ATP9A: variants seen among roughly 807,000 people sequenced by gnomAD.
ATP9A encodes ATPase phospholipid transporting 9A.
ATP9A carries 52 observed loss-of-function variants against 144.1 expected under a neutral mutation model. The observed-to-expected ratio is 0.36, with a 90% CI of 0.29 to 0.45. The LOEUF (loss-of-function observed/expected upper bound fraction) is 0.45, where lower values mean the gene tolerates loss of function less well. Ranked by LOEUF, ATP9A falls within the 20% of genes least tolerant of loss-of-function variation. ATP9A has a pLI of 1.00. For synonymous variants in ATP9A, 582 were observed against 557.4 expected (o/e 1.04, Z -0.62); for missense variants, 947 against 1,392.7 (o/e 0.68, Z 5.09).
intron 15 of ATP9A, among the ~76,000 whole-genome samples, chr20:51,637,218 AAGG>A (rs1247261093): frequency 1.3e-5 from 2 of 151,490 alleles, no homozygotes; most frequent in African/African-American, 2.4e-5. Context: ...GTAAATGATC[AAGG>A]AGAAGAGTGG....
At chr20:51,681,701 C>T (rs2077500443) in intron 9 of ATP9A, among the ~76,000 whole-genome samples, 1 of 152,112 alleles carries the variant, frequency 6.6e-6, no homozygotes, top group Admixed American at 6.5e-5. Flanking sequence ...GGATTACAGG[C>T]GTGAGCCACC....
intron 9 of ATP9A, among the ~76,000 whole-genome samples, chr20:51,676,640 G>A (rs533632766): frequency 5.3e-5 from 8 of 152,152 alleles, no homozygotes; most frequent in African/African-American, 7.2e-5. Context: ...CACCACACCC[G>A]GCTAATTTTT....
At chr20:51,657,912 T>C (rs924871246) in intron 13 of ATP9A, among the ~76,000 whole-genome samples, 3 of 152,202 alleles carry the variant, frequency 2.0e-5, no homozygotes, top group Non-Finnish European at 4.4e-5. Context: ...AGGCTGACTT[T>C]AGACCCCAGC....
At chr20:51,620,876 G>A (rs758345241) in intron 19 of ATP9A, among the ~76,000 whole-genome samples, 10 of 152,072 alleles carry the variant, frequency 6.6e-5, no homozygotes, top group African/African-American at 9.7e-5. Flanking sequence ...GGCCAGGCGC[G>A]GTGGCTCACG....
chr20:51,753,454 A>AAGC (rs2077841541), intron 1 of ATP9A, among the ~76,000 whole-genome samples: 1 of 149,084 alleles, frequency 6.7e-6, no homozygotes, highest in East Asian at 2.0e-4. Context: ...CCGTCTCAAA[A>AAGC]AACAACAACA....
At chr20:51,722,489 T>G (rs1165871781) in intron 3 of ATP9A, among the ~76,000 whole-genome samples, 1 of 151,358 alleles carries the variant, frequency 6.6e-6, no homozygotes, top group Non-Finnish European at 1.5e-5. Context: ...CTCAAACAAA[T>G]CAGTAAGAAA....
intron 13 of ATP9A, among the ~76,000 whole-genome samples, chr20:51,658,516 CTTTTT>C (rs35371153): frequency 6.3e-4 from 67 of 106,892 alleles, no homozygotes; most frequent in Non-Finnish European, 1.0e-3. Flanking sequence ...CCTATGCTTC[CTTTTT>C]TTTTTTTTTT....
chr20:51,641,872 G>A (rs1423227035), intron 14 of ATP9A, among the ~76,000 whole-genome samples: 3 of 148,706 alleles, frequency 2.0e-5, no homozygotes, highest in Admixed American at 6.8e-5. Context: ...TCCAGTGGAG[G>A]TGATGCCTCC....
At chr20:51,682,777 G>A (rs2077505864) in intron 9 of ATP9A, among the ~76,000 whole-genome samples, 1 of 147,484 alleles carries the variant, frequency 6.8e-6, no homozygotes. Flanking sequence ...ATTTTTAGTA[G>A]AGGCGGGGTT....
chr20:51,719,876 C>A (rs1279793528), intron 3 of ATP9A, among the ~76,000 whole-genome samples: 3 of 151,982 alleles, frequency 2.0e-5, no homozygotes, highest in African/African-American at 7.3e-5. Context: ...GGTGAAACCC[C>A]CATCTCTACT....
At chr20:51,740,462 C>T (rs1466716605) in intron 1 of ATP9A, among the ~76,000 whole-genome samples, 1 of 17,716 alleles carries the variant, frequency 5.6e-5, no homozygotes, top group African/African-American at 2.2e-4. Context: ...GTATTCCCAG[C>T]ACTTTGGGAG....
intron 1 of ATP9A, among the ~76,000 whole-genome samples, chr20:51,761,158 A>G (rs1184890983): frequency 1.3e-5 from 2 of 152,226 alleles, no homozygotes; most frequent in Non-Finnish European, 2.9e-5. Context: ...TACCAACATC[A>G]AAGGGCCATT....
At chr20:51,610,412 C>G (rs577102416) in intron 23 of ATP9A, among the ~76,000 whole-genome samples, 73 of 152,270 alleles carry the variant, frequency 4.8e-4, no homozygotes, top group African/African-American at 1.7e-3. Context: ...CTTGCCCAAG[C>G]CCACACAGTT....
At chr20:51,733,136 A>C (rs1225655612) in intron 1 of ATP9A, among the ~76,000 whole-genome samples, 5 of 152,196 alleles carry the variant, frequency 3.3e-5, no homozygotes. Flanking sequence ...GCTATTTATT[A>C]ATTACTTAGC....
At chr20:51,617,443 C>A in intron 22 of ATP9A, 47 bp downstream of exon 22, 3 of 1,570,430 alleles carry the variant, frequency 1.9e-6, no homozygotes, top group Non-Finnish European at 2.6e-6. Flanking sequence ...GGAAAAAGAA[C>A]CAAGAAACTA....
chr20:51,717,782 C>T (rs558659763), intron 3 of ATP9A, among the ~76,000 whole-genome samples: 58 of 152,056 alleles, frequency 3.8e-4, no homozygotes, highest in South Asian at 8.3e-4. Flanking sequence ...GGTGAAACCC[C>T]GTATCCACTA....
intron 19 of ATP9A, among the ~76,000 whole-genome samples, chr20:51,621,711 AG>A (rs1413329286): frequency 1.2e-4 from 18 of 152,140 alleles, no homozygotes; most frequent in Admixed American, 9.2e-4. Context: ...CTTGACTTTC[AG>A]GGGTTCCGTG....
At chr20:51,757,778 T>C (rs544715171) in intron 1 of ATP9A, among the ~76,000 whole-genome samples, 1 of 152,112 alleles carries the variant, frequency 6.6e-6, no homozygotes, top group Admixed American at 6.6e-5. Context: ...TGGTGGTGCA[T>C]GTTTGTAATC....
Position 51,598,156 on chromosome 20 carries a change from T to G in ATP9A, c.*3055A>C, listed in dbSNP as rs1359871078. On this transcript the variant is annotated 3_prime_UTR_variant, in exon 28 of 28. Transcript: ENST00000338821. ...AAGAAATTACTCAAGATGGAAAAAC[T>G]AGTCTGGTGATTTTCTTAGAGAAAA... 8.4e-6 allele frequency: 1 copy of G among 118,372 alleles called. No individual in the cohort carries two copies. Among genetic ancestry groups the G allele is most frequent in the Admixed American group, 1.3e-4 (1 of 7,796 alleles). 7.3% of individuals were successfully genotyped at this position (118,372 alleles called of 1,614,324 possible).
Sources: allele counts gnomAD v4.1 joint callset (sites outside exome capture counted in the v4.1 genomes callset), GRCh38; gene constraint gnomAD v4.1.1; transcripts MANE v1.5; gene names NCBI Gene and HGNC (gene_info 2026-07-23, HGNC 2026-07-21).